CCDC148: variants seen among roughly 807,000 people sequenced by gnomAD.
CCDC148 encodes coiled-coil domain containing 148, also known as coiled-coil domain-containing protein 148.
A neutral mutation model predicts 85.7 loss-of-function variants in CCDC148; 89 were observed. That is an observed-to-expected ratio of 1.04 (90% CI 0.87 to 1.24). The LOEUF (loss-of-function observed/expected upper bound fraction) is 1.24. Among genes scored for constraint, CCDC148 ranks in the 50% most tolerant of loss-of-function variants. The probability of loss-of-function intolerance (pLI) is 0.00; values close to 1 mark genes in which losing one functional copy is unlikely to be tolerated. For synonymous variants in CCDC148, 230 were observed against 213.9 expected (o/e 1.08, Z -0.66); for missense variants, 692 against 671.7 (o/e 1.03, Z -0.33).
chr2:158,260,169 C>T (rs1373858181), intron 9 of CCDC148, among the ~76,000 whole-genome samples: 2 of 151,832 alleles, frequency 1.3e-5, no homozygotes, highest in Non-Finnish European at 2.9e-5. Context: ...GGAATAATGC[C>T]TCACCCAAAG....
At chr2:158,247,260 C>G (rs1688604891) in intron 10 of CCDC148, among the ~76,000 whole-genome samples, 1 of 151,994 alleles carries the variant, frequency 6.6e-6, no homozygotes, top group African/African-American at 2.4e-5. Context: ...CACAAATGAT[C>G]ATGGAAATAC....
At chr2:158,402,862 C>A (rs1004221991) in intron 1 of CCDC148, among the ~76,000 whole-genome samples, 4 of 151,994 alleles carry the variant, frequency 2.6e-5, no homozygotes, top group African/African-American at 9.7e-5. Flanking sequence ...AGAGTAATAT[C>A]TTTATTTGAA....
intron 1 of CCDC148, among the ~76,000 whole-genome samples, chr2:158,405,943 A>G (rs1299733816): frequency 6.6e-6 from 1 of 152,166 alleles, no homozygotes; most frequent in Non-Finnish European, 1.5e-5. Flanking sequence ...TTCTGGAATG[A>G]TTTCTATGAT....
At chr2:158,222,086 T>A (rs1032804109) in intron 10 of CCDC148, among the ~76,000 whole-genome samples, 2 of 152,210 alleles carry the variant, frequency 1.3e-5, no homozygotes, top group Non-Finnish European at 2.9e-5. Flanking sequence ...TTGCAATGAA[T>A]CATATTTCTT....
At chr2:158,214,121 T>TAAAAAAAAAAAAAAAAAAAAAAAAAA (rs70990697) in intron 11 of CCDC148, among the ~76,000 whole-genome samples, 1 of 96,630 alleles carries the variant, frequency 1.0e-5, no homozygotes, top group Non-Finnish European at 2.0e-5. Flanking sequence ...AACATTGTGG[T>TAAAAAAAAAAAAAAAAAAAAAAAAAA]AAAAAAAAAA....
chr2:158,456,208 G>T (rs1053861775), intron 1 of CCDC148, among the ~76,000 whole-genome samples: 1 of 152,168 alleles, frequency 6.6e-6, no homozygotes, highest in Non-Finnish European at 1.5e-5. Flanking sequence ...CATACAATCC[G>T]CCACCTCGTT....
intron 11 of CCDC148, among the ~76,000 whole-genome samples, chr2:158,212,696 T>C (rs542522423): frequency 6.6e-6 from 1 of 152,198 alleles, no homozygotes; most frequent in African/African-American, 2.4e-5. Flanking sequence ...TTGTTTTTTG[T>C]ACTGTGGAAA....
chr2:158,207,577 T>C (rs1218524589), intron 11 of CCDC148: 1 of 152,232 alleles, frequency 6.6e-6, no homozygotes, highest in Non-Finnish European at 1.5e-5. Flanking sequence ...GTTTACCTTT[T>C]GGGGTCTGTC....
At chr2:158,346,413 T>A (rs965793225) in intron 2 of CCDC148, among the ~76,000 whole-genome samples, 1 of 152,198 alleles carries the variant, frequency 6.6e-6, no homozygotes, top group African/African-American at 2.4e-5. Flanking sequence ...CCCCAGGAAT[T>A]TGGCATGGCC....
At chr2:158,195,972 T>C (rs1159954170) in intron 11 of CCDC148, among the ~76,000 whole-genome samples, 2 of 152,076 alleles carry the variant, frequency 1.3e-5, no homozygotes, top group East Asian at 3.9e-4. Context: ...TAGCAATCCA[T>C]AGGGAATCAC....
intron 1 of CCDC148, among the ~76,000 whole-genome samples, chr2:158,395,968 T>TC (rs1041521403): frequency 3.3e-5 from 5 of 152,048 alleles, no homozygotes; most frequent in African/African-American, 1.2e-4. Flanking sequence ...AACTGGGATT[T>TC]CCCCAGAGTC....
intron 2 of CCDC148, among the ~76,000 whole-genome samples, chr2:158,350,583 A>T (rs984164923): frequency 6.6e-6 from 1 of 152,192 alleles, no homozygotes; most frequent in African/African-American, 2.4e-5. Flanking sequence ...AGAGTAGAGG[A>T]TTCTAAAACA....
intron 1 of CCDC148, among the ~76,000 whole-genome samples, chr2:158,406,481 G>A (rs1218131651): frequency 3.3e-5 from 5 of 152,164 alleles, no homozygotes; most frequent in Admixed American, 3.3e-4. Flanking sequence ...ATACAGGGGA[G>A]AGGCTGGCCC....
intron 7 of CCDC148, among the ~76,000 whole-genome samples, chr2:158,322,895 A>G (rs144613585): frequency 1.4e-4 from 21 of 152,176 alleles, no homozygotes; most frequent in Non-Finnish European, 3.1e-4. Flanking sequence ...ACTATAAAGT[A>G]GAAATTACTT....
chr2:158,330,607 G>T (rs992685064), intron 7 of CCDC148, among the ~76,000 whole-genome samples: 2 of 152,138 alleles, frequency 1.3e-5, no homozygotes, highest in Non-Finnish European at 2.9e-5. Flanking sequence ...TTATACCTCT[G>T]GTAGAATTCA....
chr2:158,353,102 G>C (rs1248374558), intron 2 of CCDC148, among the ~76,000 whole-genome samples: 1 of 151,392 alleles, frequency 6.6e-6, no homozygotes, highest in East Asian at 1.9e-4. Context: ...AGAACAACCG[G>C]TACCAGCCGC....
chr2:158,310,818 GCTC>G (rs146358541), intron 8 of CCDC148, among the ~76,000 whole-genome samples: 6,010 of 150,008 alleles, frequency 0.04, 198 homozygotes, highest in African/African-American at 0.087. Flanking sequence ...AGGCAGAGAC[GCTC>G]CTCACTTCCT....
At chr2:158,404,034 T>C (rs2105308333) in intron 1 of CCDC148, among the ~76,000 whole-genome samples, 1 of 152,294 alleles carries the variant, frequency 6.6e-6, no homozygotes, top group East Asian at 1.9e-4. Flanking sequence ...TAAAATAGCA[T>C]TCCGATACAG....
chr2:158,184,006 T>G (rs1364651763), intron 11 of CCDC148, among the ~76,000 whole-genome samples: 1 of 151,868 alleles, frequency 6.6e-6, no homozygotes, highest in Non-Finnish European at 1.5e-5. Flanking sequence ...AGGGGAGAAG[T>G]CTGCCCAAAG....
Sources: allele counts gnomAD v4.1 joint callset (sites outside exome capture counted in the v4.1 genomes callset), GRCh38; gene constraint gnomAD v4.1.1; transcripts MANE v1.5; gene names NCBI Gene and HGNC (gene_info 2026-07-23, HGNC 2026-07-21).